Variants in CD38 observed in about 807,000 individuals in gnomAD.
CD38 encodes the protein CD38 molecule.
CD38 carries 31 observed loss-of-function variants against 36.3 expected under a neutral mutation model. The ratio of observed to expected loss-of-function variants is 0.85; its 90% CI spans 0.64 to 1.15. The LOEUF (loss-of-function observed/expected upper bound fraction) is 1.15, where lower values mean the gene tolerates loss of function less well. CD38 is among the 50% of genes most tolerant of loss of function. CD38 has a pLI of 0.00. For synonymous variants in CD38, 131 were observed against 135.2 expected, an observed-to-expected ratio of 0.97 and a Z score of 0.22; for missense variants, 380 against 371.9, an observed-to-expected ratio of 1.02 and a Z score of -0.18.
rs545933909 is a variant in CD38 at position 15,816,956 on chromosome 4, A to T, written c.363+316A>T. On this transcript the variant is annotated intron_variant, in intron 2 of 7. Transcript: ENST00000226279. ...ACAAATTAACACGACCTATATAATA[A>T]CAAAACTTTCCCCTGACCTATGATA... is the stretch of plus-strand genomic sequence containing the variant. Among the ~76,000 whole-genome samples, 13 of 152,380 alleles carry T rather than the reference A, an allele frequency of 8.5e-5. No individual in the cohort carries two copies. The East Asian group carries it at 2.5e-3, about 29-fold the overall frequency.
intron 3 of CD38, among the ~76,000 whole-genome samples, chr4:15,827,786 A>C (rs1172566929): frequency 6.6e-6 from 1 of 152,070 alleles, no homozygotes; most frequent in Non-Finnish European, 1.5e-5. Flanking sequence ...TTTTAAATTG[A>C]ATTATGTATA....
At chr4:15,786,197 CG>C (rs1016787393) in intron 1 of CD38, among the ~76,000 whole-genome samples, 8 of 152,186 alleles carry the variant, frequency 5.3e-5, no homozygotes, top group Non-Finnish European at 2.9e-5. Flanking sequence ...AAGTGTAGAA[CG>C]GGACGCCAAT....
At chr4:15,808,739 A>C (rs1458557583) in intron 1 of CD38, among the ~76,000 whole-genome samples, 1 of 152,240 alleles carries the variant, frequency 6.6e-6, no homozygotes, top group African/African-American at 2.4e-5. Flanking sequence ...GTTATGAATT[A>C]CTTTCAGATT....
intron 1 of CD38, among the ~76,000 whole-genome samples, chr4:15,807,945 A>C (rs1451053371): frequency 6.6e-6 from 1 of 152,202 alleles, no homozygotes; most frequent in Non-Finnish European, 1.5e-5. Flanking sequence ...TGACTGTGTG[A>C]GGAACCCCAC....
intron 1 of CD38, among the ~76,000 whole-genome samples, chr4:15,813,789 T>A (rs1723525857): frequency 6.6e-6 from 1 of 152,250 alleles, no homozygotes; most frequent in Non-Finnish European, 1.5e-5. Flanking sequence ...CATTCTTTTT[T>A]ATGACTGCAT....
intron 1 of CD38, among the ~76,000 whole-genome samples, chr4:15,793,424 C>T (rs1723045583): frequency 6.6e-6 from 1 of 151,914 alleles, no homozygotes; most frequent in African/African-American, 2.4e-5. Flanking sequence ...TTCTCAATGA[C>T]ATTAATATAA....
At chr4:15,830,218 A>G (rs1723932174) in intron 3 of CD38, among the ~76,000 whole-genome samples, 1 of 152,152 alleles carries the variant, frequency 6.6e-6, no homozygotes, top group African/African-American at 2.4e-5. Context: ...AACAGTGTAC[A>G]AGGGTTCCCC....
intron 1 of CD38, among the ~76,000 whole-genome samples, chr4:15,799,734 A>G (rs1723177544): frequency 6.6e-6 from 1 of 152,238 alleles, no homozygotes; most frequent in Non-Finnish European, 1.5e-5. Context: ...ACAGAGCAGG[A>G]GCACAGTCCT....
intron 2 of CD38, among the ~76,000 whole-genome samples, chr4:15,818,829 G>T (rs761879632): frequency 1.3e-5 from 2 of 152,184 alleles, no homozygotes; most frequent in Non-Finnish European, 2.9e-5. Context: ...CAATGAAAAA[G>T]ACCCCACAAA....
intron 1 of CD38, among the ~76,000 whole-genome samples, chr4:15,807,550 G>C (rs528022035): frequency 6.6e-6 from 1 of 152,092 alleles, no homozygotes; most frequent in East Asian, 1.9e-4. Flanking sequence ...CTGAGTGTCA[G>C]GGGGGGCTGC....
chr4:15,815,401 C>G (rs1455261739), intron 1 of CD38, among the ~76,000 whole-genome samples: 1 of 152,112 alleles, frequency 6.6e-6, no homozygotes, highest in Non-Finnish European at 1.5e-5. Context: ...TATCTATGAG[C>G]ATGGAATTTT....
rs1447909044 is a variant in CD38, at chr4:15,778,554, G to T, written c.140G>T (p.Arg47Leu). The change falls in exon 1 of 8, where the codon CGC (arginine) becomes CTC (leucine). Residue 47 changes from arginine to leucine, a missense_variant. Physicochemically the swap from Arg to Leu is moderately radical, Grantham distance 102. Transcript: ENST00000226279. The surrounding 1 kb of genome is among the most constrained non-coding windows in gnomAD (Gnocchi z 4.9). ...CTCGCGGTGGTCGTCCCGAGGTGGC[G>T]CCAGCAGTGGAGCGGTCCGGGCACC... The part of the protein sequence containing the change: ...VVLAVVVPRW[R>L]QQWSGPGTTK... 7 of 1,611,760 alleles carry T rather than the reference G, an allele frequency of 4.3e-6. No homozygotes were observed. Among genetic ancestry groups the T allele is most frequent in the Non-Finnish European group, 5.9e-6 (7 of 1,179,462 alleles).
chr4:15,780,826 G>A (rs1722680765), intron 1 of CD38, among the ~76,000 whole-genome samples: 1 of 152,128 alleles, frequency 6.6e-6, no homozygotes, highest in African/African-American at 2.4e-5. Flanking sequence ...GAAGTGAGTT[G>A]GGCCAGGCAC....
At chr4:15,814,665 C>G (rs1308926227) in intron 1 of CD38, among the ~76,000 whole-genome samples, 1 of 152,088 alleles carries the variant, frequency 6.6e-6, no homozygotes, top group African/African-American at 2.4e-5. Flanking sequence ...ATATGGCTAG[C>G]CAGTTTTCCC....
At chr4:15,782,570 G>C (rs1380408872) in intron 1 of CD38, among the ~76,000 whole-genome samples, 2 of 152,114 alleles carry the variant, frequency 1.3e-5, no homozygotes, top group Non-Finnish European at 2.9e-5. Context: ...TAAATATTTA[G>C]CTGAATTAAA....
At chr4:15,839,103 T>G (rs1307842659) in intron 5 of CD38, among the ~76,000 whole-genome samples, 1 of 152,212 alleles carries the variant, frequency 6.6e-6, no homozygotes, top group East Asian at 1.9e-4. Context: ...CCCAAATTAA[T>G]TTTTCTTCTC....
Position 15,778,362 on chromosome 4 carries a change from G to C in CD38, c.-53G>C. The stretch of plus-strand genomic sequence containing the variant: ...GAACCCAGCCAGCCTCTCTCTTGCT[G>C]CCTAGCCTCCTGCCGGCCTCATCTT... On this transcript the variant is annotated 5_prime_UTR_variant, in exon 1 of 8. Transcript: ENST00000226279. The surrounding 1 kb of genome is among the most constrained non-coding windows in gnomAD (Gnocchi z 4.9). The C allele has an allele frequency of 8.1e-7, 1 of 1,237,904 alleles. No homozygotes were observed. The allele number at this position is 1,237,904 out of a possible 1,614,324, so 76.7% of individuals were successfully genotyped here.
At chr4:15,789,464 C>T (rs1398473569) in intron 1 of CD38, among the ~76,000 whole-genome samples, 2 of 152,110 alleles carry the variant, frequency 1.3e-5, no homozygotes, top group Non-Finnish European at 2.9e-5. Flanking sequence ...GTTAGTTTCT[C>T]AGGGCGATAA....
At chr4:15,817,764 A>G (rs1436571256) in intron 2 of CD38, among the ~76,000 whole-genome samples, 2 of 152,114 alleles carry the variant, frequency 1.3e-5, no homozygotes, top group Non-Finnish European at 2.9e-5. Flanking sequence ...TTAAGAATGA[A>G]TAGGGGGAGG....
Sources: allele counts gnomAD v4.1 joint callset (sites outside exome capture counted in the v4.1 genomes callset), GRCh38; gene constraint gnomAD v4.1.1; non-coding constraint Gnocchi (gnomAD v3.1); transcripts MANE v1.5; gene names NCBI Gene and HGNC (gene_info 2026-07-23, HGNC 2026-07-21).